IGSF11: variants seen among roughly 807,000 people sequenced by gnomAD.
IGSF11 encodes immunoglobulin superfamily member 11, also known as CXADR like 1.
A neutral mutation model predicts 41.0 loss-of-function variants in IGSF11; 22 were observed. The ratio of observed to expected loss-of-function variants is 0.54; its 90% CI spans 0.38 to 0.77. IGSF11 has a LOEUF of 0.77. Ranked by LOEUF, IGSF11 falls within the 30% of genes least tolerant of loss-of-function variation. The pLI is 0.00. For missense variants in IGSF11, 444 were observed against 530.8 expected (o/e 0.84, Z 1.61); for synonymous variants, 219 against 201.3 (o/e 1.09, Z -0.74).
Position 119,080,398 on chromosome 3 carries a change from G to T in IGSF11, c.49+24746C>A, listed in dbSNP as rs144817193. 4.7e-3 allele frequency among the ~76,000 whole-genome samples: 711 copies of T among 152,138 alleles called. 13 individuals carry two copies. Among genetic ancestry groups the T allele is most frequent in the African/African-American group, 0.016 (680 of 41,512 alleles). ...TACTCCAAAAAAATTATGGACATTT[G>T]CAAACCACAGCTTTGTACCAATCAA... On this transcript the variant is annotated intron_variant, in intron 1 of 6. Coordinates refer to the IGSF11 transcript ENST00000354673.
intron 1 of IGSF11, among the ~76,000 whole-genome samples, chr3:119,134,177 C>G (rs2077523999): frequency 3.9e-5 from 6 of 152,138 alleles, no homozygotes. Context: ...CCCTCTCTCA[C>G]CACTCCTTTT....
intron 1 of IGSF11, among the ~76,000 whole-genome samples, chr3:118,943,879 C>A (rs924579348): frequency 1.3e-5 from 2 of 152,180 alleles, no homozygotes; most frequent in African/African-American, 4.8e-5. Flanking sequence ...CTATAATGAG[C>A]AAGCTCCATT....
At chr3:119,067,777 A>G (rs1460468963) in intron 1 of IGSF11, among the ~76,000 whole-genome samples, 2 of 152,188 alleles carry the variant, frequency 1.3e-5, no homozygotes, top group Admixed American at 1.3e-4. Flanking sequence ...TCCTCAATCC[A>G]TGCCTAGAAC....
chr3:119,052,017 T>G (rs554181763), intron 1 of IGSF11, among the ~76,000 whole-genome samples: 1 of 151,806 alleles, frequency 6.6e-6, no homozygotes, highest in Non-Finnish European at 1.5e-5. Flanking sequence ...AATGCCTACA[T>G]CAAAAACTCT....
At chr3:119,115,738 CT>C (rs2077247107) in intron 1 of IGSF11, among the ~76,000 whole-genome samples, 1 of 152,032 alleles carries the variant, frequency 6.6e-6, no homozygotes, top group East Asian at 1.9e-4. Context: ...TTCGGTGAAG[CT>C]TTTTAATTTA....
At chr3:118,929,607 G>A (rs906964979) in intron 2 of IGSF11, among the ~76,000 whole-genome samples, 32 of 152,048 alleles carry the variant, frequency 2.1e-4, no homozygotes, top group African/African-American at 7.2e-4. Flanking sequence ...ACAGCTTACT[G>A]GGGAGTAGCT....
At chr3:118,911,951 C>G (rs6802658) in intron 4 of IGSF11, among the ~76,000 whole-genome samples, 42,576 of 151,872 alleles carry the variant, frequency 0.28, 8,268 homozygotes, top group African/African-American at 0.54. Flanking sequence ...CAGGCAAGCA[C>G]GAGAGATAAT....
chr3:119,031,759 A>C (rs1940422725), intron 1 of IGSF11, among the ~76,000 whole-genome samples: 1 of 152,208 alleles, frequency 6.6e-6, no homozygotes, highest in Admixed American at 6.5e-5. Context: ...ACAGATTTTT[A>C]CTAACAGGTG....
intron 1 of IGSF11, among the ~76,000 whole-genome samples, chr3:119,111,723 T>G (rs1446876214): frequency 2.0e-5 from 3 of 152,250 alleles, no homozygotes; most frequent in Non-Finnish European, 4.4e-5. Flanking sequence ...TTTGTGGTTT[T>G]ATCTACTTTT....
intron 1 of IGSF11, among the ~76,000 whole-genome samples, chr3:118,931,599 T>C (rs1942857016): frequency 1.3e-5 from 2 of 152,112 alleles, no homozygotes; most frequent in Non-Finnish European, 1.5e-5. Flanking sequence ...GGCAAATCTA[T>C]AGAGACAGAA....
intron 1 of IGSF11, among the ~76,000 whole-genome samples, chr3:119,131,055 A>G (rs1011795654): frequency 2.6e-5 from 4 of 152,216 alleles, no homozygotes; most frequent in African/African-American, 9.6e-5. Context: ...GGTCACCAAC[A>G]TCAAAGACCA....
intron 1 of IGSF11, among the ~76,000 whole-genome samples, chr3:119,018,072 C>T (rs1270930167): frequency 6.6e-6 from 1 of 152,124 alleles, no homozygotes; most frequent in Admixed American, 6.5e-5. Flanking sequence ...GACTGGTAAT[C>T]TCTAAAACAG....
intron 1 of IGSF11, among the ~76,000 whole-genome samples, chr3:119,078,449 A>G (rs889374822): frequency 6.6e-6 from 1 of 152,244 alleles, no homozygotes; most frequent in African/African-American, 2.4e-5. Flanking sequence ...GACAAAGTCG[A>G]CAACAAGCAA....
chr3:118,908,601 T>G (rs1414678101), intron 4 of IGSF11, among the ~76,000 whole-genome samples: 1 of 152,226 alleles, frequency 6.6e-6, no homozygotes, highest in Non-Finnish European at 1.5e-5. Context: ...TTTTAGCTTC[T>G]TTTAAAGAAT....
Position 119,087,607 on chromosome 3 carries a change from C to T in IGSF11, c.49+17537G>A, listed in dbSNP as rs192095302. The stretch of plus-strand genomic sequence containing the variant: ...AAATGTGTAAGAATGATACCCTGGA[C>T]TTTGGGGACTTGGGGGAAAGGGTGG... On this transcript the variant is annotated intron_variant, in intron 1 of 6. Transcript: ENST00000354673. Among the ~76,000 whole-genome samples, 489 of 151,880 alleles carry T rather than the reference C, an allele frequency of 3.2e-3. 1 individual carries two copies. The highest frequency in any genetic ancestry group is 0.011 in the African/African-American group (476 of 41,424).
chr3:118,915,181 C>T (rs1306993433), intron 4 of IGSF11, among the ~76,000 whole-genome samples: 1 of 136,656 alleles, frequency 7.3e-6, no homozygotes, highest in Non-Finnish European at 1.5e-5. Flanking sequence ...AAACTGGAAA[C>T]TCTAAAATGC....
intron 1 of IGSF11, among the ~76,000 whole-genome samples, chr3:119,011,945 CTGTGTGTGTG>C (rs1553711932): frequency 6.7e-6 from 1 of 148,486 alleles, no homozygotes; most frequent in Non-Finnish European, 1.5e-5. Context: ...ATATAGTGTT[CTGTGTGTGTG>C]TGTGTGTGTG....
At chr3:118,962,751 G>A (rs534273045) in intron 1 of IGSF11, among the ~76,000 whole-genome samples, 7 of 152,096 alleles carry the variant, frequency 4.6e-5, no homozygotes, top group Non-Finnish European at 8.8e-5. Context: ...AATTCTGTGG[G>A]CATACCTACA....
intron 1 of IGSF11, among the ~76,000 whole-genome samples, chr3:119,015,075 A>T (rs758276509): frequency 8.5e-5 from 13 of 152,216 alleles, no homozygotes; most frequent in Admixed American, 1.3e-4. Context: ...AGAGACAGAC[A>T]TTATCTAGGA....
Sources: gnomAD v4.1 joint callset for allele counts (sites outside exome capture counted in the v4.1 genomes callset) on GRCh38, gnomAD v4.1.1 for gene constraint, MANE v1.5 for transcripts, NCBI Gene and HGNC (gene_info 2026-07-23, HGNC 2026-07-21) for gene names.